The following AKAP19 variants were observed in gnomAD, a reference collection of about 807,000 sequenced individuals.
AKAP19 encodes A-kinase anchoring protein 19, also known as small A-kinase anchoring protein.
chr2:189,999,154 G>T, the AKAP19 span, among the ~76,000 whole-genome samples: 1 of 146,446 alleles, frequency 6.8e-6, no homozygotes, highest in East Asian at 2.0e-4. Flanking sequence ...TATTTTTCCA[G>T]TTTTTTTTTT....
the AKAP19 span, among the ~76,000 whole-genome samples, chr2:189,978,444 A>G: frequency 2.6e-4 from 40 of 151,898 alleles, no homozygotes; most frequent in Non-Finnish European, 1.5e-4. Flanking sequence ...AACATGGTGA[A>G]ACCCCATCTC....
At chr2:189,900,179 A>C in the AKAP19 span, among the ~76,000 whole-genome samples, 2 of 152,200 alleles carry the variant, frequency 1.3e-5, no homozygotes, top group Non-Finnish European at 2.9e-5. Context: ...GTTTGTTTCC[A>C]ATATTTTTAA....
the AKAP19 span, among the ~76,000 whole-genome samples, chr2:190,009,488 T>C: frequency 6.6e-6 from 1 of 152,160 alleles, no homozygotes; most frequent in Non-Finnish European, 1.5e-5. Flanking sequence ...TCTGTAAGGT[T>C]TTGGTTCTAA....
At chr2:190,192,474 G>C in the AKAP19 span, among the ~76,000 whole-genome samples, 1 of 148,718 alleles carries the variant, frequency 6.7e-6, no homozygotes, top group African/African-American at 2.6e-5. Flanking sequence ...GTGTGTGTGT[G>C]TGTGTGTGTG....
chr2:189,962,255 G>A, the AKAP19 span, among the ~76,000 whole-genome samples: 12,661 of 152,196 alleles, frequency 0.083, 1,483 homozygotes, highest in African/African-American at 0.25. Context: ...TAGTCTGGGA[G>A]GAATAGGCTC....
the AKAP19 span, among the ~76,000 whole-genome samples, chr2:190,167,191 G>C: frequency 1.3e-5 from 2 of 152,172 alleles, no homozygotes; most frequent in African/African-American, 2.4e-5. Context: ...ATAGCGAAAG[G>C]TGAAAGGCAC....
chr2:190,143,569 C>G, the AKAP19 span, among the ~76,000 whole-genome samples: 3 of 152,186 alleles, frequency 2.0e-5, no homozygotes, highest in African/African-American at 7.2e-5. Flanking sequence ...GCGAGAACTT[C>G]TATCCATATT....
chr2:189,962,102 C>T, the AKAP19 span, among the ~76,000 whole-genome samples: 1 of 152,090 alleles, frequency 6.6e-6, no homozygotes, highest in Admixed American at 6.5e-5. Context: ...CAATGAACAG[C>T]ATATATAATA....
the AKAP19 span, chr2:190,062,398 C>T: frequency 6.2e-6 from 10 of 1,613,324 alleles, no homozygotes; most frequent in South Asian, 8.8e-5. Context: ...GGAGCTGTTT[C>T]CAGACGAAGT....
At chr2:190,060,763 A>T in the AKAP19 span, among the ~76,000 whole-genome samples, 11 of 152,070 alleles carry the variant, frequency 7.2e-5, no homozygotes, top group African/African-American at 2.6e-4. Context: ...AGAACAAGAG[A>T]CACTGTGGAG....
At chr2:190,050,182 G>A in the AKAP19 span, among the ~76,000 whole-genome samples, 1 of 152,234 alleles carries the variant, frequency 6.6e-6, no homozygotes, top group Non-Finnish European at 1.5e-5. Context: ...GAAAATTGAA[G>A]TGAAGTACAG....
At chr2:189,888,694 T>C in the AKAP19 span, among the ~76,000 whole-genome samples, 1 of 152,218 alleles carries the variant, frequency 6.6e-6, no homozygotes, top group Non-Finnish European at 1.5e-5. Flanking sequence ...TTTTATTCTC[T>C]TTGTAGCAAT....
the AKAP19 span, among the ~76,000 whole-genome samples, chr2:190,035,252 G>A: frequency 2.6e-5 from 4 of 151,998 alleles, no homozygotes. Context: ...CCAACACAGT[G>A]AAACCCCATC....
At chr2:190,197,457 CCAGTACCCTTGCCAAGT>C in the AKAP19 span, among the ~76,000 whole-genome samples, 1 of 152,174 alleles carries the variant, frequency 6.6e-6, no homozygotes, top group African/African-American at 2.4e-5. This position sits in a 1 kb window ranked among gnomAD's most constrained non-coding sequence, Gnocchi z 4.0. Context: ...CATGCACATC[CCAGTACCCTTGCCAAGT>C]CTCATGCAGA....
At chr2:190,066,303 A>G in the AKAP19 span, among the ~76,000 whole-genome samples, 1 of 152,162 alleles carries the variant, frequency 6.6e-6, no homozygotes, top group Admixed American at 6.6e-5. Flanking sequence ...GGTATAAACA[A>G]TATTTTCCAA....
chr2:189,922,688 A>G, the AKAP19 span, among the ~76,000 whole-genome samples: 1 of 152,192 alleles, frequency 6.6e-6, no homozygotes, highest in Non-Finnish European at 1.5e-5. Context: ...CTGTAAACAA[A>G]TATCTTTTTT....
the AKAP19 span, among the ~76,000 whole-genome samples, chr2:189,919,595 T>C: frequency 6.6e-6 from 1 of 152,030 alleles, no homozygotes; most frequent in African/African-American, 2.4e-5. Flanking sequence ...TCTGTGTCCA[T>C]GTGTTCTCAA....
At chr2:189,923,330 A>G in the AKAP19 span, 25 of 1,609,536 alleles carry the variant, frequency 1.6e-5, no homozygotes, top group Non-Finnish European at 2.0e-5. Flanking sequence ...CTTACCATCA[A>G]ACACAATGGC....
At chr2:190,054,682 C>T in the AKAP19 span, among the ~76,000 whole-genome samples, 1 of 152,174 alleles carries the variant, frequency 6.6e-6, no homozygotes, top group Non-Finnish European at 1.5e-5. Context: ...TGAACAGACA[C>T]TTCTCAAAAG....
Sources: gnomAD v4.1 joint callset for allele counts (sites outside exome capture counted in the v4.1 genomes callset) on GRCh38, gnomAD v4.1.1 for gene constraint, Gnocchi (gnomAD v3.1) non-coding constraint, MANE v1.5 for transcripts, NCBI Gene and HGNC (gene_info 2026-07-23, HGNC 2026-07-21) for gene names.